Variants in ST3GAL1 observed in about 807,000 individuals in gnomAD.
ST3GAL1 encodes the protein ST3 beta-galactoside alpha-2,3-sialyltransferase 1, also known as CMP-N-acetylneuraminate-beta-galactosamide-alpha-2,3-sialyltransferase 1.
Under a neutral mutation model 34.1 loss-of-function variants are expected in ST3GAL1, and 16 were observed. The ratio of observed to expected loss-of-function variants is 0.47; its 90% CI spans 0.32 to 0.71. The LOEUF is 0.71. Ranked by LOEUF, ST3GAL1 falls within the 30% of genes least tolerant of loss-of-function variation. The pLI, the probability that ST3GAL1 is intolerant of heterozygous loss-of-function variation, is 0.04. For missense variants in ST3GAL1, 353 were observed against 447.4 expected, an observed-to-expected ratio of 0.79 and a Z score of 1.90; for synonymous variants, 191 against 184.7, an observed-to-expected ratio of 1.03 and a Z score of -0.28.
At chr8:133,519,100 G>C (rs768237608) in intron 2 of ST3GAL1, among the ~76,000 whole-genome samples, 1 of 152,088 alleles carries the variant, frequency 6.6e-6, no homozygotes, top group Non-Finnish European at 1.5e-5. Flanking sequence ...GGAGGACAGA[G>C]GGGCCTGGTG....
At chr8:133,498,148 G>A (rs1178932987) in intron 3 of ST3GAL1, among the ~76,000 whole-genome samples, 2 of 152,180 alleles carry the variant, frequency 1.3e-5, no homozygotes, top group Admixed American at 6.5e-5. Flanking sequence ...ACTGGCGCTC[G>A]ACAGTGGACT....
chr8:133,518,639 G>C (rs1586635845), intron 2 of ST3GAL1, among the ~76,000 whole-genome samples: 1 of 152,246 alleles, frequency 6.6e-6, no homozygotes, highest in East Asian at 1.9e-4. Flanking sequence ...CCCCACCCAG[G>C]AGGACTCCCT....
At chr8:133,470,229 G>A (rs1488698713) in intron 5 of ST3GAL1, among the ~76,000 whole-genome samples, 2 of 152,288 alleles carry the variant, frequency 1.3e-5, no homozygotes, top group South Asian at 2.1e-4. Flanking sequence ...AGACCAGCCT[G>A]ACCAACATGG....
At chr8:133,514,468 G>A (rs549466233) in intron 2 of ST3GAL1, among the ~76,000 whole-genome samples, 2 of 152,278 alleles carry the variant, frequency 1.3e-5, no homozygotes, top group Admixed American at 6.5e-5. Context: ...GGAATCAAGA[G>A]GGTGAGGGTG....
chr8:133,476,993 CACA>C (rs1051065459), intron 3 of ST3GAL1, among the ~76,000 whole-genome samples: 5 of 152,204 alleles, frequency 3.3e-5, no homozygotes, highest in African/African-American at 4.8e-5. Flanking sequence ...CAGCAACAAG[CACA>C]ACAACAATGG....
chr8:133,471,192 C>A (rs1399412497), intron 5 of ST3GAL1, among the ~76,000 whole-genome samples: 2 of 152,170 alleles, frequency 1.3e-5, no homozygotes, highest in Non-Finnish European at 2.9e-5. Flanking sequence ...GGCATCCAAG[C>A]AGCAGACACA....
At chr8:133,521,006 G>A (rs1253065337) in intron 2 of ST3GAL1, among the ~76,000 whole-genome samples, 1 of 106,962 alleles carries the variant, frequency 9.3e-6, no homozygotes, top group Non-Finnish European at 1.9e-5. Context: ...AGGCTAGAGT[G>A]CAGTGGTGCA....
chr8:133,552,734 A>G (rs906800183), intron 1 of ST3GAL1, among the ~76,000 whole-genome samples: 6 of 152,294 alleles, frequency 3.9e-5, no homozygotes, highest in Non-Finnish European at 8.8e-5. Flanking sequence ...AACACATGGG[A>G]TCTCTCATAA....
rs1053789673 is a variant in ST3GAL1, at chr8:133,465,992, C to A, written c.405G>T (p.Arg135Ser). The change falls in exon 6 of 10, where the codon AGG (arginine) becomes AGT (serine). Residue 135 changes from arginine (R) to serine (S), a missense_variant. Coordinates refer to ENST00000522652, the MANE Select transcript of ST3GAL1 (RefSeq NM_173344.3). ...CGGCGCAGCGCCGGCAGCCCACCGA[C>A]CTCTTCTCCAGCATAGGGTCCACAT... ...PGNVDPMLEKRSVGCRRCAVV... is the reference protein window; with the variant it reads ...PGNVDPMLEKSSVGCRRCAVV... 1.9e-6 allele frequency: 3 copies of A among 1,614,102 alleles called. No homozygotes were observed. The highest frequency in any genetic ancestry group is 2.5e-6 in the Non-Finnish European group (3 of 1,180,038).
chr8:133,486,411 C>T (rs189661842), intron 3 of ST3GAL1, among the ~76,000 whole-genome samples: 5 of 152,332 alleles, frequency 3.3e-5, no homozygotes, highest in South Asian at 2.1e-4. Flanking sequence ...GGGCTCCACC[C>T]GCTCTGAGTC....
intron 2 of ST3GAL1, among the ~76,000 whole-genome samples, chr8:133,505,093 TTGCAGTATCCAA>T (rs1326571891): frequency 6.6e-6 from 1 of 151,936 alleles, no homozygotes; most frequent in Admixed American, 6.6e-5. Context: ...CAATTTGGAG[TTGCAGTATCCAA>T]TGCAGGATCC....
At chr8:133,554,602 C>T (rs992418755) in intron 1 of ST3GAL1, among the ~76,000 whole-genome samples, 2 of 152,144 alleles carry the variant, frequency 1.3e-5, no homozygotes, top group African/African-American at 4.8e-5. Context: ...GGGCCACCAC[C>T]TCCTCCTCTT....
intron 8 of ST3GAL1, 122 bp downstream of exon 8, chr8:133,463,292 G>A: frequency 9.1e-7 from 1 of 1,099,284 alleles, no homozygotes. Flanking sequence ...CTAAGTGGGA[G>A]ATGCTACCTC....
intron 2 of ST3GAL1, among the ~76,000 whole-genome samples, chr8:133,537,293 C>G (rs904675194): frequency 7.3e-6 from 1 of 137,088 alleles, no homozygotes; most frequent in Non-Finnish European, 1.7e-5. Flanking sequence ...GCTCTTCCAA[C>G]CCAGTCTTCT....
At chr8:133,505,533 T>C (rs1817304296) in intron 2 of ST3GAL1, among the ~76,000 whole-genome samples, 1 of 152,192 alleles carries the variant, frequency 6.6e-6, no homozygotes, top group Admixed American at 6.5e-5. Context: ...TGCAAATAGG[T>C]TGACATCTCA....
At chr8:133,549,593 T>A (rs986092766) in intron 1 of ST3GAL1, among the ~76,000 whole-genome samples, 3 of 152,102 alleles carry the variant, frequency 2.0e-5, no homozygotes, top group African/African-American at 7.2e-5. Flanking sequence ...TAAGTTGGCT[T>A]TGAAAAAAAT....
At chr8:133,496,811 C>T (rs141224618) in intron 3 of ST3GAL1, among the ~76,000 whole-genome samples, 261 of 152,318 alleles carry the variant, frequency 1.7e-3, no homozygotes, top group African/African-American at 5.8e-3. Flanking sequence ...GTCCAGGCCA[C>T]GGCACCCAAG....
At chr8:133,557,393 C>T (rs1198646048) in intron 1 of ST3GAL1, among the ~76,000 whole-genome samples, 2 of 152,158 alleles carry the variant, frequency 1.3e-5, no homozygotes, top group African/African-American at 2.4e-5. Context: ...GCACAGAAGG[C>T]ATGTTCTCTA....
rs1819582629 is a variant in ST3GAL1, at chr8:133,571,868, G to C, written c.-757C>G. ...CTCCGGTCTAGGGCTCTTTGTCTTT[G>C]CAAAGTGTCGAAACTGTCTGGCATA... On this transcript the variant is annotated 5_prime_UTR_variant, in exon 1 of 10. Coordinates refer to ENST00000522652, the MANE Select transcript of ST3GAL1 (RefSeq NM_173344.3). This position sits in a 1 kb window ranked among gnomAD's most constrained non-coding sequence, Gnocchi z 6.7. The C allele has an allele frequency of 2.6e-5, 4 of 152,672 alleles. No individual in the cohort carries two copies. Among genetic ancestry groups the C allele is most frequent in the Admixed American group, 2.6e-4 (4 of 15,280 alleles). 9.5% of individuals were successfully genotyped at this position (152,672 alleles called of 1,614,324 possible).
Sources: gnomAD v4.1 joint callset for allele counts (sites outside exome capture counted in the v4.1 genomes callset) on GRCh38, gnomAD v4.1.1 for gene constraint, Gnocchi (gnomAD v3.1) non-coding constraint, MANE v1.5 for transcripts, NCBI Gene and HGNC (gene_info 2026-07-23, HGNC 2026-07-21) for gene names.